The following MAGI1 variants were observed in gnomAD, a reference collection of about 807,000 sequenced individuals.
MAGI1 encodes membrane-associated guanylate kinase, WW and PDZ domain-containing protein 1.
In MAGI1, 58 loss-of-function variants were observed where a neutral mutation model predicts 139.9. That is an observed-to-expected ratio of 0.41 (90% CI 0.34 to 0.52). MAGI1 has a LOEUF of 0.52. Among genes scored for constraint, MAGI1 ranks in the 20% least tolerant of loss-of-function variants. MAGI1 has a pLI of 0.12. For synonymous variants in MAGI1, 812 were observed against 737.9 expected (o/e 1.10, Z -1.63); for missense variants, 1,874 against 1,901.6 (o/e 0.99, Z 0.27).
chr3:65,982,876 T>C (rs2065661068), intron 1 of MAGI1, among the ~76,000 whole-genome samples: 1 of 152,174 alleles, frequency 6.6e-6, no homozygotes, highest in South Asian at 2.1e-4. Context: ...AAAAAATATA[T>C]ATTTTTGTTT....
At chr3:65,608,996 C>A (rs2082895296) in intron 2 of MAGI1, among the ~76,000 whole-genome samples, 1 of 152,150 alleles carries the variant, frequency 6.6e-6, no homozygotes, top group African/African-American at 2.4e-5. Flanking sequence ...CAGAAGAATA[C>A]ATACTTTATC....
intron 22 of MAGI1, chr3:65,359,354 G>T: frequency 1.5e-6 from 2 of 1,361,722 alleles, no homozygotes; most frequent in African/African-American, 2.9e-5. Flanking sequence ...ACCGCAATCG[G>T]AACAGTGACA....
At chr3:66,006,540 G>C (rs1208724720) in intron 1 of MAGI1, among the ~76,000 whole-genome samples, 1 of 152,074 alleles carries the variant, frequency 6.6e-6, no homozygotes, top group Non-Finnish European at 1.5e-5. Context: ...AGACAAACTA[G>C]AATGGTTTAT....
chr3:65,588,410 A>G (rs1369943133), intron 2 of MAGI1, among the ~76,000 whole-genome samples: 2 of 152,216 alleles, frequency 1.3e-5, no homozygotes, highest in Non-Finnish European at 1.5e-5. Flanking sequence ...TACCTTCAGA[A>G]TCAACACTGA....
chr3:65,532,354 G>A (rs1042973690), intron 2 of MAGI1, among the ~76,000 whole-genome samples: 1 of 152,144 alleles, frequency 6.6e-6, no homozygotes, highest in African/African-American at 2.4e-5. Flanking sequence ...TGCTGTTTGT[G>A]GCATGGACTG....
At chr3:65,374,099 A>C (rs1942265423) in intron 18 of MAGI1, among the ~76,000 whole-genome samples, 1 of 152,138 alleles carries the variant, frequency 6.6e-6, no homozygotes, top group Non-Finnish European at 1.5e-5. Flanking sequence ...TTTTTATCAC[A>C]CTATCTTCAT....
chr3:66,038,426 G>T lies in MAGI1; in HGVS notation c.-118C>A. On this transcript the variant is annotated 5_prime_UTR_variant, in exon 1 of 23. The change creates a new upstream start codon in the 5' untranslated region. Coordinates refer to ENST00000402939, the MANE Select transcript of MAGI1 (RefSeq NM_001033057.2). ...ACATCTCTCCCCAAATCACAAAACA[G>T]GAGAGAGAAACTTGGCAGCCTCGCT... The T allele has an allele frequency of 7.2e-7, 1 of 1,387,866 alleles. No homozygotes were observed. Among genetic ancestry groups the T allele is most frequent in the South Asian group, 1.5e-5 (1 of 66,174 alleles). The allele number at this position is 1,387,866 out of a possible 1,614,324, so 86.0% of individuals were successfully genotyped here. A position where few individuals can be genotyped will look rare whatever the true frequency, so the allele number is the denominator to read the frequency against.
At chr3:65,892,919 A>G (rs1005954929) in intron 1 of MAGI1, among the ~76,000 whole-genome samples, 3 of 152,192 alleles carry the variant, frequency 2.0e-5, no homozygotes, top group Non-Finnish European at 4.4e-5. Flanking sequence ...GGTCAGAGGC[A>G]GAAACAAACA....
chr3:66,024,315 TAAA>T (rs34593257), intron 1 of MAGI1, among the ~76,000 whole-genome samples: 26,699 of 95,644 alleles, frequency 0.28, 3,252 homozygotes, highest in African/African-American at 0.42. Context: ...CAAAGTTCAT[TAAA>T]AAAAAAAAAA....
intron 1 of MAGI1, among the ~76,000 whole-genome samples, chr3:65,884,105 A>G (rs2060441283): frequency 6.6e-6 from 1 of 152,244 alleles, no homozygotes; most frequent in Non-Finnish European, 1.5e-5. Context: ...AACAGAGAGT[A>G]GAAGAAACCA....
intron 1 of MAGI1, among the ~76,000 whole-genome samples, chr3:65,804,816 G>C (rs183395071): frequency 6.6e-6 from 1 of 152,080 alleles, no homozygotes; most frequent in African/African-American, 2.4e-5. Flanking sequence ...TGACAAACCG[G>C]ACAAAAACAA....
chr3:65,417,998 T>G (rs1044274561), intron 12 of MAGI1, among the ~76,000 whole-genome samples: 3 of 152,184 alleles, frequency 2.0e-5, no homozygotes, highest in South Asian at 2.1e-4. Flanking sequence ...TGTTTTTGAC[T>G]GTCACCGTTG....
In MAGI1 at chr3:65,530,854, C is replaced by CACACACAT. The variant is rs138048319; in HGVS notation, c.431-37224_431-37223insATGTGTGT. Among the ~76,000 whole-genome samples, 15 of 108,172 alleles carry CACACACAT rather than the reference C, an allele frequency of 1.4e-4. 2 individuals carry two copies. The highest frequency in any genetic ancestry group is 2.4e-4 in the African/African-American group (6 of 24,794). The allele number at this position is 108,172 out of a possible 152,430, so 71.0% of individuals were successfully genotyped here. A position where few individuals can be genotyped will look rare whatever the true frequency, so the allele number is the denominator to read the frequency against. ...ATATATATATACACACACACACACACATATATATATATATGGAGAGAGAGA... is the reference window on the plus strand; with the variant it reads ...ATATATATATACACACACACACACACACACACATATATATATATATATGGAGAGAGAGA... On this transcript the variant is annotated intron_variant, in intron 2 of 22. Coordinates refer to ENST00000402939, the MANE Select transcript of MAGI1 (RefSeq NM_001033057.2).
chr3:65,934,309 C>T (rs2062945698), intron 1 of MAGI1, among the ~76,000 whole-genome samples: 1 of 149,640 alleles, frequency 6.7e-6, no homozygotes, highest in South Asian at 2.1e-4. Flanking sequence ...GTTGCCCAGG[C>T]TGGTCTCAAA....
At chr3:65,827,154 T>G (rs2042272322) in intron 1 of MAGI1, among the ~76,000 whole-genome samples, 1 of 152,238 alleles carries the variant, frequency 6.6e-6, no homozygotes, top group Admixed American at 6.5e-5. Context: ...TGGTTATAAA[T>G]CTAAACTTTC....
chr3:65,743,873 T>C (rs1260662949), intron 1 of MAGI1, among the ~76,000 whole-genome samples: 2 of 152,094 alleles, frequency 1.3e-5, no homozygotes, highest in African/African-American at 2.4e-5. Flanking sequence ...TAAAATAAAG[T>C]CTGGGGAAAA....
chr3:65,811,643 G>A (rs901932673), intron 1 of MAGI1, among the ~76,000 whole-genome samples: 1 of 151,882 alleles, frequency 6.6e-6, no homozygotes, highest in South Asian at 2.1e-4. Context: ...TGAAAGCTGG[G>A]CTGCAGAGAA....
intron 12 of MAGI1, among the ~76,000 whole-genome samples, chr3:65,428,800 A>C (rs1381370360): frequency 6.6e-6 from 1 of 152,202 alleles, no homozygotes; most frequent in African/African-American, 2.4e-5. Context: ...ACTGTGATAA[A>C]GATTATATGG....
chr3:65,828,318 CT>C (rs2108283409), intron 1 of MAGI1, among the ~76,000 whole-genome samples: 1 of 152,328 alleles, frequency 6.6e-6, no homozygotes, highest in African/African-American at 2.4e-5. Context: ...TGGAGCTGAA[CT>C]TTTATAGGAG....
Sources: allele counts gnomAD v4.1 joint callset (sites outside exome capture counted in the v4.1 genomes callset), GRCh38; gene constraint gnomAD v4.1.1; transcripts MANE v1.5; gene names NCBI Gene and HGNC (gene_info 2026-07-23, HGNC 2026-07-21).